RPGRIP1: variants seen among roughly 807,000 people sequenced by gnomAD.
RPGRIP1 encodes the protein RPGR interacting protein 1.
A neutral mutation model predicts 157.9 loss-of-function variants in RPGRIP1; 128 were observed. The ratio of observed to expected loss-of-function variants is 0.81; its 90% CI spans 0.70 to 0.94. The LOEUF (loss-of-function observed/expected upper bound fraction) is 0.94, where lower values mean the gene tolerates loss of function less well. RPGRIP1 is among the 40% of genes least tolerant of loss of function. RPGRIP1 has a pLI of 0.00. For missense variants in RPGRIP1, 1,486 were observed against 1,545.8 expected (o/e 0.96, Z 0.65); for synonymous variants, 554 against 571.6 (o/e 0.97, Z 0.44).
intron 4 of RPGRIP1, among the ~76,000 whole-genome samples, chr14:21,301,550 A>G (rs1465348281): frequency 6.6e-6 from 1 of 151,892 alleles, no homozygotes; most frequent in Non-Finnish European, 1.5e-5. Context: ...GGTGGCGCGC[A>G]CCTGTAGTCC....
At chr14:21,287,699 G>A (rs559191660) in intron 1 of RPGRIP1, among the ~76,000 whole-genome samples, 87 of 152,140 alleles carry the variant, frequency 5.7e-4, no homozygotes, top group South Asian at 5.6e-3. Context: ...AAAATGATCC[G>A]AAATGATATC....
chr14:21,301,769 T>C (rs2139157893), intron 4 of RPGRIP1, among the ~76,000 whole-genome samples: 1 of 151,442 alleles, frequency 6.6e-6, no homozygotes, highest in African/African-American at 2.4e-5. Context: ...TCCCACCTAC[T>C]TGGGAAGCTG....
intron 11 of RPGRIP1, among the ~76,000 whole-genome samples, chr14:21,319,434 C>T (rs941826252): frequency 3.9e-5 from 6 of 152,028 alleles, no homozygotes; most frequent in Non-Finnish European, 8.8e-5. Context: ...TAGTGTCGTG[C>T]GCCTGTAATA....
intron 11 of RPGRIP1, among the ~76,000 whole-genome samples, chr14:21,319,111 G>A (rs1451996507): frequency 6.6e-6 from 1 of 152,160 alleles, no homozygotes; most frequent in Admixed American, 6.6e-5. Context: ...AAGAAAAATA[G>A]AGGCAAGAAC....
chr14:21,333,500 T>C (rs1884000827), intron 20 of RPGRIP1, among the ~76,000 whole-genome samples: 1 of 152,176 alleles, frequency 6.6e-6, no homozygotes, highest in South Asian at 2.1e-4. Context: ...CTTAAAACAA[T>C]TGTCATTTCT....
intron 2 of RPGRIP1, among the ~76,000 whole-genome samples, chr14:21,291,907 G>A (rs964950422): frequency 1.3e-5 from 2 of 152,038 alleles, no homozygotes; most frequent in Non-Finnish European, 2.9e-5. Context: ...TTACAGGCAC[G>A]TGTCACCACA....
chr14:21,285,605 C>CAAA (rs397852011), intron 1 of RPGRIP1, among the ~76,000 whole-genome samples: 5 of 129,604 alleles, frequency 3.9e-5, no homozygotes, highest in Admixed American at 7.9e-5. Flanking sequence ...ACTCCATCTC[C>CAAA]AAAAAAAAAA....
chr14:21,328,742 G>T (rs943688703), intron 19 of RPGRIP1, 115 bp downstream of exon 19: 1 of 752,886 alleles, frequency 1.3e-6, no homozygotes, highest in African/African-American at 1.7e-5. Context: ...GCACTAATCG[G>T]CCGGGCATGG....
At chr14:21,341,206 T>C (rs1884967449) in intron 21 of RPGRIP1, among the ~76,000 whole-genome samples, 2 of 152,128 alleles carry the variant, frequency 1.3e-5, no homozygotes, top group African/African-American at 4.8e-5. Flanking sequence ...AATTTTTGTA[T>C]TTTTAATAGA....
At chr14:21,325,521 G>T (rs1882987517) in intron 16 of RPGRIP1, 138 bp downstream of exon 16, 2 of 877,086 alleles carry the variant, frequency 2.3e-6, no homozygotes, top group Admixed American at 5.6e-5. Flanking sequence ...AACTAGTCTG[G>T]ATTATTCCCT....
intron 22 of RPGRIP1, among the ~76,000 whole-genome samples, 186 bp downstream of exon 22, chr14:21,343,414 C>T (rs1885222659): frequency 6.6e-6 from 1 of 152,162 alleles, no homozygotes; most frequent in Admixed American, 6.5e-5. Context: ...ATGAAGCAGG[C>T]CTTTGTCCCA....
chr14:21,331,085 T>A (rs2139269083), intron 20 of RPGRIP1, among the ~76,000 whole-genome samples: 1 of 151,980 alleles, frequency 6.6e-6, no homozygotes, highest in East Asian at 2.0e-4. Flanking sequence ...AATTTTGTAT[T>A]TTTAGTAGAG....
chr14:21,284,065 C>A (rs1190411182), intron 1 of RPGRIP1, among the ~76,000 whole-genome samples: 1 of 152,132 alleles, frequency 6.6e-6, no homozygotes, highest in Non-Finnish European at 1.5e-5. Flanking sequence ...GAAAGATGCT[C>A]TCCATTTATT....
chr14:21,288,081 A>AT lies in RPGRIP1; in HGVS notation c.85+21dup, dbSNP rs1566665269. The AT allele has an allele frequency of 6.7e-7, 1 of 1,490,652 alleles. No homozygotes were observed. The highest frequency in any genetic ancestry group is 9.4e-7 in the Non-Finnish European group (1 of 1,067,652). The allele number at this position is 1,490,652 out of a possible 1,614,324, so 92.3% of individuals were successfully genotyped here. On this transcript the variant is annotated intron_variant, in intron 2 of 24. Coordinates refer to ENST00000400017, the MANE Select transcript of RPGRIP1 (RefSeq NM_020366.4). ...CAAAAGGTAACTTCTACGCCTGAGG[A>AT]TGGACACCTTTTAGAATTAAAAGAA...
chr14:21,307,271 C>T (rs2139168140), intron 6 of RPGRIP1, among the ~76,000 whole-genome samples: 1 of 152,118 alleles, frequency 6.6e-6, no homozygotes, highest in East Asian at 1.9e-4. Flanking sequence ...CCAGGCTGGT[C>T]TCCAACTCCT....
intron 3 of RPGRIP1, among the ~76,000 whole-genome samples, chr14:21,297,834 A>ATTCTTCCTTTCT (rs1555365055): frequency 1.5e-5 from 2 of 133,216 alleles, no homozygotes; most frequent in African/African-American, 6.2e-5. Flanking sequence ...TCAATAAATT[A>ATTCTTCCTTTCT]TTCTTTCTTT....
At chr14:21,309,959 C>G (rs1830791953) in intron 7 of RPGRIP1, among the ~76,000 whole-genome samples, 1 of 151,802 alleles carries the variant, frequency 6.6e-6, no homozygotes, top group East Asian at 1.9e-4. Context: ...GTGGGGGGCA[C>G]CTGTAATCTC....
chr14:21,294,696 A>T lies in RPGRIP1; in HGVS notation c.105A>T (p.Gln35His). The T allele has an allele frequency of 5.6e-6, 9 of 1,613,562 alleles. No homozygotes were observed. Among genetic ancestry groups the T allele is most frequent in the Non-Finnish European group, 7.6e-6 (9 of 1,179,704 alleles). The part of the protein sequence containing the change: ...PASKGKNMKT[Q>H]PPLSRMNREE... ...CTTTAGGTAAGAATATGAAAACTCA[A>T]CCACCCTTGAGCAGGATGAACCGGG... Residue 35 changes from glutamine (Q) to histidine (H), a missense_variant, in exon 3 of 25, where the codon CAA (glutamine) becomes CAT (histidine). Physicochemically the swap from Gln to His is conservative, Grantham distance 24. Coordinates refer to ENST00000400017, the MANE Select transcript of RPGRIP1 (RefSeq NM_020366.4).
chr14:21,325,064 CTGATT>C lies in RPGRIP1; in HGVS notation c.2210_2214del (p.Leu737ArgfsTer29). The C allele has an allele frequency of 2.5e-6, 4 of 1,608,284 alleles. No homozygotes were observed. The highest frequency in any genetic ancestry group is 3.4e-6 in the Non-Finnish European group (4 of 1,175,576). On this transcript the variant is annotated frameshift_variant and splice_region_variant, in exon 15 of 25. Transcript: ENST00000400017. LOFTEE classifies it high-confidence loss of function. ...GGAGAAAGTCCATGGCTTGGCCACA[CTGATT>C]GGTAAGTGCCGTTGGCTTCCTGCGG...
Sources: gnomAD v4.1 joint callset for allele counts (sites outside exome capture counted in the v4.1 genomes callset) on GRCh38, gnomAD v4.1.1 for gene constraint, MANE v1.5 for transcripts, NCBI Gene and HGNC (gene_info 2026-07-23, HGNC 2026-07-21) for gene names.